The following THSD7B variants were observed in gnomAD, a reference collection of about 807,000 sequenced individuals.
THSD7B encodes thrombospondin type-1 domain-containing protein 7B.
THSD7B carries 138 observed loss-of-function variants against 213.6 expected under a neutral mutation model. The observed-to-expected ratio is 0.65, with a 90% CI of 0.56 to 0.74. The LOEUF is 0.74. THSD7B is among the 30% of genes least tolerant of loss of function. THSD7B has a pLI of 0.00. For missense variants in THSD7B, 1,931 were observed against 1,991.5 expected, an observed-to-expected ratio of 0.97 and a Z score of 0.58; for synonymous variants, 742 against 687.0, an observed-to-expected ratio of 1.08 and a Z score of -1.25.
rs538526117 is a variant in THSD7B at position 137,045,637 on chromosome 2, C to G, written c.140-10783C>G. Among the ~76,000 whole-genome samples, 111 of 152,308 alleles carry G rather than the reference C, an allele frequency of 7.3e-4. 1 individual carries two copies. The highest frequency in any genetic ancestry group is 2.6e-3 in the African/African-American group (110 of 41,574). On this transcript the variant is annotated intron_variant, in intron 2 of 27. Coordinates refer to ENST00000409968, the MANE Select transcript of THSD7B (RefSeq NM_001316349.2). ...AGCTGGTATAATAGAATCTGATATGCAATTCTCATTTATTTACATTCTTCA... is the reference window on the plus strand; with the variant it reads ...AGCTGGTATAATAGAATCTGATATGGAATTCTCATTTATTTACATTCTTCA...
intron 5 of THSD7B, among the ~76,000 whole-genome samples, chr2:137,148,894 G>T (rs1679759882): frequency 1.3e-5 from 2 of 152,226 alleles, no homozygotes; most frequent in Admixed American, 6.5e-5. Context: ...GCTGGCTGCA[G>T]AAATTTGCAT....
In THSD7B at chr2:137,656,672, G is replaced by A; in HGVS notation, c.4106-124G>A. On this transcript the variant is annotated intron_variant, in intron 22 of 27. Coordinates refer to ENST00000409968, the MANE Select transcript of THSD7B (RefSeq NM_001316349.2). Reference sequence around the variant, plus strand: ...TCTGATTGGAAAATTGATCAATATAGAATGTGTAGTATCAGGAACTGCATG... The same window carrying A: ...TCTGATTGGAAAATTGATCAATATAAAATGTGTAGTATCAGGAACTGCATG... 6 of 813,648 alleles carry A rather than the reference G, an allele frequency of 7.4e-6. No individual in the cohort carries two copies. In the South Asian group the frequency reaches 1.2e-4, roughly 16 times the overall value. 50.4% of individuals were successfully genotyped at this position (813,648 alleles called of 1,614,324 possible).
chr2:137,384,819 G>A (rs1685855998), intron 12 of THSD7B, among the ~76,000 whole-genome samples: 1 of 152,096 alleles, frequency 6.6e-6, no homozygotes, highest in Admixed American at 6.5e-5. Context: ...GGTAGCTGAT[G>A]GTGCTGGCTG....
intron 2 of THSD7B, among the ~76,000 whole-genome samples, chr2:136,966,506 T>G (rs1420118303): frequency 6.6e-6 from 1 of 152,226 alleles, no homozygotes; most frequent in Non-Finnish European, 1.5e-5. Context: ...CATGAGCCGC[T>G]GTGTCCAGCC....
chr2:137,056,796 C>A lies in THSD7B; in HGVS notation c.516C>A (p.Cys172Ter). Residue 172 changes from cysteine to a stop codon, truncating the protein, a stop_gained, in exon 3 of 28, where the codon TGC (cysteine) becomes TGA (stop). Transcript: ENST00000409968. LOFTEE classifies it high-confidence loss of function. ...FALQPPTEQA[C>*]LIPCPRDCVV... ...TTCAGCCTCCTACAGAACAGGCTTG[C>A]CTCATTCCTTGTCCCCGGGATTGTG... The A allele has an allele frequency of 6.2e-7, 1 of 1,613,932 alleles. No individual in the cohort carries two copies. The highest frequency in any genetic ancestry group is 8.5e-7 in the Non-Finnish European group (1 of 1,179,882).
chr2:137,675,403 C>CATATATATATATATAT (rs55940004), intron 27 of THSD7B, among the ~76,000 whole-genome samples: 1 of 116,530 alleles, frequency 8.6e-6, no homozygotes, highest in Non-Finnish European at 1.7e-5. Context: ...AAATGAATGC[C>CATATATATATATATAT]ATATATATAT....
intron 15 of THSD7B, among the ~76,000 whole-genome samples, chr2:137,544,515 T>C (rs1437542012): frequency 2.6e-5 from 4 of 151,736 alleles, no homozygotes; most frequent in South Asian, 2.1e-4. Flanking sequence ...TATTCTAGAA[T>C]TACAGATAGT....
intron 12 of THSD7B, among the ~76,000 whole-genome samples, chr2:137,393,330 C>T (rs1686088573): frequency 6.6e-6 from 1 of 151,122 alleles, no homozygotes. Context: ...CCCACCACAG[C>T]CCCCATAGTG....
At chr2:137,646,039 T>G (rs1167591366) in intron 21 of THSD7B, among the ~76,000 whole-genome samples, 3 of 152,318 alleles carry the variant, frequency 2.0e-5, no homozygotes, top group African/African-American at 4.8e-5. Context: ...GGTGCTTTTT[T>G]GGGACAGTTT....
chr2:137,279,525 A>G (rs540460578), intron 12 of THSD7B, among the ~76,000 whole-genome samples: 1 of 152,278 alleles, frequency 6.6e-6, no homozygotes, highest in East Asian at 1.9e-4. Context: ...CCTGGGTGAC[A>G]GAATAAGACC....
intron 17 of THSD7B, among the ~76,000 whole-genome samples, chr2:137,606,096 C>T (rs898791068): frequency 6.6e-6 from 1 of 152,172 alleles, no homozygotes; most frequent in Non-Finnish European, 1.5e-5. Context: ...CCACGACACC[C>T]GGATATTGGC....
At chr2:137,212,068 T>C (rs941347043) in intron 7 of THSD7B, among the ~76,000 whole-genome samples, 3 of 152,096 alleles carry the variant, frequency 2.0e-5, no homozygotes, top group South Asian at 4.1e-4. Flanking sequence ...TTTTTGGTGA[T>C]GTTTTCTAAT....
At chr2:137,239,404 C>T (rs368188466) in intron 9 of THSD7B, among the ~76,000 whole-genome samples, 4 of 152,104 alleles carry the variant, frequency 2.6e-5, no homozygotes, top group African/African-American at 9.7e-5. Flanking sequence ...TATGCCACCC[C>T]GGCTCTCATT....
intron 5 of THSD7B, among the ~76,000 whole-genome samples, chr2:137,133,075 C>A (rs1209554558): frequency 6.6e-6 from 1 of 152,118 alleles, no homozygotes; most frequent in African/African-American, 2.4e-5. Flanking sequence ...GGTTTCCTTT[C>A]TGTGTGGTTA....
At chr2:137,601,700 T>C (rs1573736706) in intron 17 of THSD7B, among the ~76,000 whole-genome samples, 1 of 152,366 alleles carries the variant, frequency 6.6e-6, no homozygotes, top group Non-Finnish European at 1.5e-5. Flanking sequence ...TTCTTTGTTC[T>C]GGGCATTTTG....
intron 1 of THSD7B, among the ~76,000 whole-genome samples, chr2:136,817,113 G>A (rs768423667): frequency 1.5e-4 from 23 of 152,184 alleles, no homozygotes; most frequent in Non-Finnish European, 2.9e-4. Context: ...AATGCTAGCA[G>A]TAACATGCTG....
chr2:137,392,536 T>C (rs949172029), intron 12 of THSD7B, among the ~76,000 whole-genome samples: 1 of 152,182 alleles, frequency 6.6e-6, no homozygotes, highest in African/African-American at 2.4e-5. Flanking sequence ...GTTTTTTATT[T>C]AAAGTCTATT....
At chr2:137,203,849 C>T (rs1039065717) in intron 7 of THSD7B, among the ~76,000 whole-genome samples, 10 of 152,056 alleles carry the variant, frequency 6.6e-5, no homozygotes, top group Non-Finnish European at 1.5e-4. Flanking sequence ...TCATGACACA[C>T]ACACACGTTT....
At chr2:136,849,050 C>T (rs1324404360) in intron 1 of THSD7B, among the ~76,000 whole-genome samples, 4 of 152,080 alleles carry the variant, frequency 2.6e-5, no homozygotes, top group African/African-American at 9.7e-5. Context: ...TGAGAAATGT[C>T]ACCTGACTTA....
Sources: gnomAD v4.1 joint callset for allele counts (sites outside exome capture counted in the v4.1 genomes callset) on GRCh38, gnomAD v4.1.1 for gene constraint, MANE v1.5 for transcripts, NCBI Gene and HGNC (gene_info 2026-07-23, HGNC 2026-07-21) for gene names.